COP1: variants seen among roughly 807,000 people sequenced by gnomAD.
The protein encoded by COP1 is COP1 E3 ubiquitin ligase.
In COP1, 24 loss-of-function variants were observed where a neutral mutation model predicts 101.3. The ratio of observed to expected loss-of-function variants is 0.24; its 90% confidence interval spans 0.17 to 0.33. The LOEUF (loss-of-function observed/expected upper bound fraction) is 0.33, where lower values mean the gene tolerates loss of function less well. Ranked by LOEUF, COP1 falls within the 10% of genes least tolerant of loss-of-function variation. The pLI, the probability that COP1 is intolerant of heterozygous loss-of-function variation, is 1.00. For synonymous variants in COP1, 347 were observed against 341.9 expected (o/e 1.01, Z -0.17); for missense variants, 663 against 906.2 (o/e 0.73, Z 3.45).
chr1:176,072,362 T>G (rs182936166), intron 11 of COP1, among the ~76,000 whole-genome samples: 17 of 152,314 alleles, frequency 1.1e-4, no homozygotes, highest in African/African-American at 3.8e-4. Flanking sequence ...CATAGGAATA[T>G]GCAAGAAATA....
intron 15 of COP1, among the ~76,000 whole-genome samples, chr1:176,002,171 T>C (rs892608780): frequency 6.6e-6 from 1 of 151,934 alleles, no homozygotes; most frequent in Non-Finnish European, 1.5e-5. Context: ...CTACAAATAT[T>C]TTCTACCTCT....
intron 5 of COP1, among the ~76,000 whole-genome samples, chr1:176,151,144 G>A (rs186975009): frequency 4.0e-5 from 6 of 151,618 alleles, no homozygotes; most frequent in Non-Finnish European, 8.8e-5. Flanking sequence ...TCTTACAATC[G>A]TCAAAACTTC....
At chr1:176,120,309 A>G (rs1356264095) in intron 8 of COP1, among the ~76,000 whole-genome samples, 1 of 152,052 alleles carries the variant, frequency 6.6e-6, no homozygotes, top group Non-Finnish European at 1.5e-5. Context: ...AATCCCAGAT[A>G]CTAGGGAGGC....
chr1:176,118,416 T>A (rs944567689), intron 8 of COP1, among the ~76,000 whole-genome samples: 21 of 152,158 alleles, frequency 1.4e-4, no homozygotes, highest in African/African-American at 5.1e-4. Context: ...GTTCTAAGGT[T>A]TGACAGAAGA....
chr1:176,098,497 G>C (rs1682824741), intron 9 of COP1, among the ~76,000 whole-genome samples: 1 of 152,032 alleles, frequency 6.6e-6, no homozygotes, highest in East Asian at 1.9e-4. Context: ...AAAGCTAAAA[G>C]TTCAAACAAG....
intron 5 of COP1, among the ~76,000 whole-genome samples, chr1:176,150,094 A>T (rs1237641091): frequency 2.0e-5 from 3 of 152,330 alleles, no homozygotes; most frequent in Admixed American, 1.3e-4. Context: ...ATTTTTGTTA[A>T]ACAAGTGCCC....
chr1:176,099,864 G>T (rs1683088121), intron 9 of COP1, among the ~76,000 whole-genome samples: 1 of 152,134 alleles, frequency 6.6e-6, no homozygotes, highest in African/African-American at 2.4e-5. Context: ...GAGACGTTAA[G>T]AGAGCAGGAT....
In COP1 at chr1:176,206,902, G is replaced by A. The variant is rs941795721; in HGVS notation, c.77C>T (p.Ser26Phe). The change falls in exon 1 of 20, where the codon TCC becomes TTC. Residue 26 changes from serine to phenylalanine, a missense_variant. By Grantham distance (155) the Ser-to-Phe change is radical. Around this residue, in one of 4 missense-constraint regions of COP1, gnomAD observed 204 missense variants for 203.6 expected, o/e 1.00. Transcript: ENST00000367669. ...GGAAGAGGATAAAGACGAGGAGGCGGAAGTCACCGAGGAGGCCGCCGAGGA... is the reference window on the plus strand; with the variant it reads ...GGAAGAGGATAAAGACGAGGAGGCGAAAGTCACCGAGGAGGCCGCCGAGGA... The part of the protein sequence containing the change: ...PGSSAASSVT[S>F]ASSSLSSSPS... 6.8e-6 allele frequency: 10 copies of A among 1,465,878 alleles called. No homozygotes were observed. The highest frequency in any genetic ancestry group is 1.5e-5 in the African/African-American group (1 of 68,226). 90.8% of individuals were successfully genotyped at this position (1,465,878 alleles called of 1,614,324 possible).
At chr1:175,992,027 A>T (rs1658627324) in intron 15 of COP1, among the ~76,000 whole-genome samples, 1 of 152,244 alleles carries the variant, frequency 6.6e-6, no homozygotes, top group Admixed American at 6.5e-5. Flanking sequence ...TATTATCTTT[A>T]TCAAGTATTG....
At chr1:176,014,839 T>C (rs1665338052) in intron 15 of COP1, among the ~76,000 whole-genome samples, 1 of 152,190 alleles carries the variant, frequency 6.6e-6, no homozygotes. Flanking sequence ...ATACATGTAT[T>C]TATTGAAAAT....
intron 18 of COP1, among the ~76,000 whole-genome samples, chr1:175,974,916 C>T (rs1366299059): frequency 3.6e-5 from 4 of 112,450 alleles, no homozygotes; most frequent in Non-Finnish European, 7.7e-5. Flanking sequence ...GACCAAGACC[C>T]TGTCTCAAAA....
rs943528548 is a variant in COP1 at position 175,992,967 on chromosome 1, C to G, written c.1730-3488G>C. Among the ~76,000 whole-genome samples the G allele has an allele frequency of 3.9e-5, 6 of 152,278 alleles. No homozygotes were observed. The South Asian group carries it at 1.2e-3, about 32-fold the overall frequency. On this transcript the variant is annotated intron_variant, in intron 15 of 19. Transcript: ENST00000367669. The stretch of plus-strand genomic sequence containing the variant: ...AAGTGGGTCCCTGACCCCTGACCCC[C>G]AAGCAGCCTAACTAGGAGGCACCAC...
chr1:176,006,018 G>A (rs185602946), intron 15 of COP1, among the ~76,000 whole-genome samples: 1 of 152,222 alleles, frequency 6.6e-6, no homozygotes, highest in Non-Finnish European at 1.5e-5. Context: ...CTTGCTTTAT[G>A]AGTCTGGGTG....
At chr1:176,057,610 T>G (rs1394344337) in intron 11 of COP1, among the ~76,000 whole-genome samples, 1 of 152,174 alleles carries the variant, frequency 6.6e-6, no homozygotes, top group East Asian at 1.9e-4. Flanking sequence ...GTGCCGGGAT[T>G]GCAGACGGAG....
At chr1:176,016,297 A>G (rs1420355854) in intron 15 of COP1, among the ~76,000 whole-genome samples, 1 of 152,178 alleles carries the variant, frequency 6.6e-6, no homozygotes, top group Admixed American at 6.5e-5. Flanking sequence ...CAAAGAAAAG[A>G]CAACTGAGAA....
At chr1:176,088,479 C>G (rs1680637947) in intron 9 of COP1, among the ~76,000 whole-genome samples, 1 of 152,070 alleles carries the variant, frequency 6.6e-6, no homozygotes, top group Non-Finnish European at 1.5e-5. Context: ...ATATGTTCAT[C>G]TCGGTATTGT....
At chr1:176,175,204 G>A (rs1317969333) in intron 3 of COP1, among the ~76,000 whole-genome samples, 3 of 151,998 alleles carry the variant, frequency 2.0e-5, no homozygotes, top group Non-Finnish European at 2.9e-5. Flanking sequence ...CTGAGTTCCC[G>A]AGACCCATGG....
At chr1:175,949,235 G>C (rs1371688768) in intron 18 of COP1, among the ~76,000 whole-genome samples, 11 of 114,176 alleles carry the variant, frequency 9.6e-5, no homozygotes, top group Non-Finnish European at 1.7e-4. Flanking sequence ...ATTAACTTTG[G>C]AATATTATGG....
At chr1:176,178,422 CT>C (rs758955251) in intron 2 of COP1, among the ~76,000 whole-genome samples, 7 of 151,736 alleles carry the variant, frequency 4.6e-5, no homozygotes, top group Non-Finnish European at 1.0e-4. Context: ...AATCAGGAGG[CT>C]GAGGTTGCAG....
Sources: allele counts gnomAD v4.1 joint callset (sites outside exome capture counted in the v4.1 genomes callset), GRCh38; gene constraint gnomAD v4.1.1; regional missense constraint gnomAD v4.1.1; transcripts MANE v1.5; gene names NCBI Gene and HGNC (gene_info 2026-07-23, HGNC 2026-07-21).